NBPF15: variants seen among roughly 807,000 people sequenced by gnomAD.
The protein encoded by NBPF15 is NBPF member 15, also known as NBPF family member NBPF15.
NBPF15 carries 74 observed loss-of-function variants against 62.2 expected under a neutral mutation model. The observed-to-expected ratio is 1.19, with a 90% CI of 0.99 to 1.44. The LOEUF is 1.44. Ranked by LOEUF, NBPF15 falls within the 40% of genes most tolerant of loss-of-function variation. The pLI is 0.00. For missense variants in NBPF15, 790 were observed against 550.0 expected (o/e 1.44, Z -4.36); for synonymous variants, 244 against 209.7 (o/e 1.16, Z -1.41).
chr1:144,423,120 C>T lies in NBPF15; in HGVS notation c.1906G>A (p.Glu636Lys), dbSNP rs376306127. The T allele has an allele frequency of 2.5e-6, 4 of 1,611,604 alleles. No homozygotes were observed. Among genetic ancestry groups the T allele is most frequent in the South Asian group, 1.1e-5 (1 of 90,970 alleles). ...AGGGCGAAGCTGATATGCTCTTCCTCAAATGAGTAAAACACACTTCTGTAG... is the reference window on the plus strand; with the variant it reads ...AGGGCGAAGCTGATATGCTCTTCCTTAAATGAGTAAAACACACTTCTGTAG... ...QHYRSVFYSF[E>K]EEHISFALYV... is the part of the protein sequence containing the mutation. Residue 636 changes from glutamate to lysine, a missense_variant, in exon 22 of 22, where the codon GAG (glutamate) becomes AAG (lysine). Glu to Lys is a moderately conservative substitution (Grantham distance 56). Coordinates refer to ENST00000581897, the MANE Select transcript of NBPF15 (RefSeq NM_001385408.1).
rs1228397004 is a variant in NBPF15 at position 144,457,854 on chromosome 1, C to T, written c.-700-1049G>A. 3.3e-5 allele frequency among the ~76,000 whole-genome samples: 5 copies of T among 151,930 alleles called. No homozygotes were observed. The East Asian group carries it at 7.7e-4, about 23-fold the overall frequency. ...CCTGTAATCCCAACACTTTGAGATG[C>T]CAAGGTGGGAGGATCATTTGAGCCC... is the stretch of plus-strand genomic sequence containing the variant. On this transcript the variant is annotated intron_variant, in intron 3 of 21. Transcript: ENST00000581897.
chr1:144,442,418 T>TA (rs1486186316), intron 6 of NBPF15, among the ~76,000 whole-genome samples: 1 of 141,962 alleles, frequency 7.0e-6, no homozygotes, highest in African/African-American at 2.6e-5. Flanking sequence ...TGTATATATA[T>TA]TATATATATA....
chr1:144,458,208 G>A (rs1310356820), intron 3 of NBPF15, among the ~76,000 whole-genome samples: 1 of 151,950 alleles, frequency 6.6e-6, no homozygotes, highest in Non-Finnish European at 1.5e-5. Flanking sequence ...GATCCATAAA[G>A]TTTTCCTGGT....
At chr1:144,452,363 C>A (rs1204329317) in intron 4 of NBPF15, among the ~76,000 whole-genome samples, 1 of 151,824 alleles carries the variant, frequency 6.6e-6, no homozygotes, top group East Asian at 1.9e-4. Context: ...CCCCCAAAAA[C>A]CATCCCTAGA....
intron 13 of NBPF15, among the ~76,000 whole-genome samples, chr1:144,432,778 C>T (rs1477038364): frequency 2.0e-5 from 3 of 151,696 alleles, no homozygotes; most frequent in Admixed American, 6.6e-5. Context: ...TATATGCACC[C>T]TATACAGGAG....
In NBPF15 at chr1:144,440,267, A is replaced by C; in HGVS notation, c.-162T>G. 6.7e-7 allele frequency: 1 copy of C among 1,502,974 alleles called. No homozygotes were observed. Among genetic ancestry groups the C allele is most frequent in the Non-Finnish European group, 8.9e-7 (1 of 1,121,862 alleles). The allele number at this position is 1,502,974 out of a possible 1,614,324, so 93.1% of individuals were successfully genotyped here. Reference sequence around the variant, plus strand: ...GCGCAGACTCTGATAAGAGTGAGGTAGATTGTGGCCAGCGTGCCAGGTAAC... The same window carrying C: ...GCGCAGACTCTGATAAGAGTGAGGTCGATTGTGGCCAGCGTGCCAGGTAAC... On this transcript the variant is annotated 5_prime_UTR_variant, in exon 7 of 22. Transcript: ENST00000581897.
At position 144,440,217 on chromosome 1, in the gene NBPF15, C is replaced by A; in HGVS notation, c.-112G>T. The A allele has an allele frequency of 6.6e-7, 1 of 1,522,434 alleles. No homozygotes were observed. Among genetic ancestry groups the A allele is most frequent in the Non-Finnish European group, 8.8e-7 (1 of 1,132,296 alleles). 94.3% of individuals were successfully genotyped at this position (1,522,434 alleles called of 1,614,324 possible). ...AAAAACAAGGTTCGAGGTGCCTCAACTCAGAGCTGAAAGCACTGTCAGTAG... is the reference window on the plus strand; with the variant it reads ...AAAAACAAGGTTCGAGGTGCCTCAAATCAGAGCTGAAAGCACTGTCAGTAG... On this transcript the variant is annotated 5_prime_UTR_variant, in exon 7 of 22. Transcript: ENST00000581897.
intron 13 of NBPF15, among the ~76,000 whole-genome samples, chr1:144,432,438 G>A (rs1183006041): frequency 6.6e-6 from 1 of 152,024 alleles, no homozygotes; most frequent in Non-Finnish European, 1.5e-5. Flanking sequence ...ATAATGACAG[G>A]ATCAAATTCA....
Position 144,423,128 on chromosome 1 carries a change from T to G in NBPF15, c.1898A>C (p.Tyr633Ser), listed in dbSNP as rs782119560. Reference protein sequence around the residue: ...DSFQHYRSVFYSFEEEHISFA... With the variant: ...DSFQHYRSVFSSFEEEHISFA... ...GCTGATATGCTCTTCCTCAAATGAG[T>G]AAAACACACTTCTGTAGTGCTGGAA... Residue 633 changes from tyrosine to serine, a missense_variant, in exon 22 of 22, where the codon TAC (tyrosine) becomes TCC (serine). By Grantham distance (144) the Tyr-to-Ser change is moderately radical. Transcript: ENST00000581897. 34 of 1,611,492 alleles carry G rather than the reference T, an allele frequency of 2.1e-5. No individual in the cohort carries two copies. The highest frequency in any genetic ancestry group is 3.3e-5 in the Admixed American group (2 of 59,982).
intron 5 of NBPF15, among the ~76,000 whole-genome samples, 146 bp downstream of exon 5, chr1:144,450,609 ACTGGTTTGTGGTAATGT>A (rs1690465721): frequency 6.6e-6 from 1 of 150,536 alleles, no homozygotes; most frequent in Admixed American, 6.6e-5. Flanking sequence ...GTTTCAAACC[ACTGGTTTGTGGTAATGT>A]GATAATAGGC....
intron 6 of NBPF15, among the ~76,000 whole-genome samples, chr1:144,442,180 A>ACACGTGT (rs1165418667): frequency 5.2e-5 from 5 of 96,372 alleles, no homozygotes; most frequent in African/African-American, 2.2e-4. Flanking sequence ...ATATATATAT[A>ACACGTGT]ATATATATAC....
At chr1:144,442,658 A>T (rs1178012181) in intron 6 of NBPF15, 3 of 155,116 alleles carry the variant, frequency 1.9e-5, no homozygotes, top group African/African-American at 7.3e-5. Flanking sequence ...ATTGTTGGCA[A>T]CAAGGACCCA....
intron 8 of NBPF15, among the ~76,000 whole-genome samples, chr1:144,438,897 CTT>C (rs1271733441): frequency 1.3e-5 from 2 of 151,966 alleles, no homozygotes; most frequent in Non-Finnish European, 2.9e-5. Flanking sequence ...CTTTCTTCCT[CTT>C]TAGCAACAAG....
At chr1:144,432,305 T>C (rs28879974) in intron 13 of NBPF15, among the ~76,000 whole-genome samples, 1 of 150,816 alleles carries the variant, frequency 6.6e-6, no homozygotes, top group Non-Finnish European at 1.5e-5. Flanking sequence ...GCTCCTAAAG[T>C]AAGCACTAAA....
intron 6 of NBPF15, among the ~76,000 whole-genome samples, chr1:144,446,123 G>A (rs1357452764): frequency 6.6e-5 from 10 of 151,648 alleles, no homozygotes; most frequent in Non-Finnish European, 1.2e-4. Context: ...AAAGTGCTGA[G>A]ATTACAGGTG....
At chr1:144,446,506 T>C (rs1439883082) in intron 6 of NBPF15, among the ~76,000 whole-genome samples, 1 of 152,306 alleles carries the variant, frequency 6.6e-6, no homozygotes, top group Non-Finnish European at 1.5e-5. Flanking sequence ...TCTGATTTAA[T>C]AGAAAAGCAT....
chr1:144,427,181 G>A (rs1164071140), intron 16 of NBPF15, 83 bp from the exon 17 acceptor site: 16 of 598,744 alleles, frequency 2.7e-5, no homozygotes, highest in Non-Finnish European at 4.7e-5. Context: ...CCTCACACAG[G>A]GACTTCAGGC....
intron 6 of NBPF15, among the ~76,000 whole-genome samples, chr1:144,445,198 T>C (rs1482050383): frequency 6.7e-6 from 1 of 150,034 alleles, no homozygotes; most frequent in Admixed American, 6.6e-5. Flanking sequence ...TGAGAAATTG[T>C]TTCAATGTGC....
chr1:144,424,783 T>C lies in NBPF15; in HGVS notation c.1570A>G (p.Ser524Gly). 1.7e-6 allele frequency: 1 copy of C among 591,494 alleles called. No homozygotes were observed. The highest frequency in any genetic ancestry group is 2.0e-5 in the South Asian group (1 of 49,352). 36.6% of individuals were successfully genotyped at this position (591,494 alleles called of 1,614,324 possible). ...CAGGAGTCAGGCTGTTCAAGACAAC[T>C]GGAAGGAGTTGAATAACATCTATCC... ...SLDRCYSTPS[S>G]CLEQPDSCQP... The change falls in exon 20 of 22, where the codon AGT becomes GGT. Residue 524 changes from serine to glycine, a missense_variant. By Grantham distance (56) the Ser-to-Gly change is moderately conservative. Transcript: ENST00000581897.
Sources: allele counts gnomAD v4.1 joint callset (sites outside exome capture counted in the v4.1 genomes callset), GRCh38; gene constraint gnomAD v4.1.1; transcripts MANE v1.5; gene names NCBI Gene and HGNC (gene_info 2026-07-23, HGNC 2026-07-21).